The following PTCHD4 variants were observed in gnomAD, a reference collection of about 807,000 sequenced individuals.
PTCHD4 encodes patched domain-containing protein 4.
PTCHD4 carries 33 observed loss-of-function variants against 58.1 expected under a neutral mutation model. The observed-to-expected ratio is 0.57, with a 90% CI of 0.43 to 0.76. The LOEUF is 0.76. PTCHD4 is among the 30% of genes least tolerant of loss of function. PTCHD4 has a pLI of 0.00. For missense variants in PTCHD4, 1,058 were observed against 1,027.1 expected, an observed-to-expected ratio of 1.03 and a Z score of -0.41; for synonymous variants, 478 against 409.6, an observed-to-expected ratio of 1.17 and a Z score of -2.02.
rs972355091 is a variant in PTCHD4, at chr6:47,867,314, C to T, written c.*10989G>A. ...ATCAAACTCATGCTCTAAACTGGCT[C>T]TTGCAACCACTACATTTCAAAGCAA... On this transcript the variant is annotated 3_prime_UTR_variant, in exon 5 of 5. Transcript: ENST00000339488. 6.6e-6 allele frequency among the ~76,000 whole-genome samples: 1 copy of T among 151,742 alleles called. No individual in the cohort carries two copies.
intron 1 of PTCHD4, among the ~76,000 whole-genome samples, chr6:48,102,362 G>A (rs1054334507): frequency 3.9e-5 from 6 of 152,136 alleles, no homozygotes; most frequent in Admixed American, 2.0e-4. Context: ...TCTTTATAGG[G>A]TTATCTTACC....
chr6:47,903,757 A>G (rs1295345412), intron 4 of PTCHD4, among the ~76,000 whole-genome samples: 5 of 152,252 alleles, frequency 3.3e-5, no homozygotes, highest in African/African-American at 1.2e-4. Context: ...TGAAAAAGAC[A>G]AACAATAAAT....
intron 4 of PTCHD4, among the ~76,000 whole-genome samples, chr6:47,951,137 A>G (rs1766631223): frequency 6.6e-6 from 1 of 152,224 alleles, no homozygotes; most frequent in Non-Finnish European, 1.5e-5. Flanking sequence ...ATATTGTGGC[A>G]TGATCCTCTT....
chr6:48,091,102 C>A (rs1238193882), intron 1 of PTCHD4, among the ~76,000 whole-genome samples: 1 of 152,078 alleles, frequency 6.6e-6, no homozygotes, highest in Non-Finnish European at 1.5e-5. Context: ...AAATTATCAT[C>A]ATTTAGGATT....
chr6:47,885,907 C>T (rs1035541591), intron 4 of PTCHD4, among the ~76,000 whole-genome samples: 2 of 152,166 alleles, frequency 1.3e-5, no homozygotes, highest in South Asian at 4.1e-4. Context: ...CTACCTCTGC[C>T]TCCCGGGTTC....
chr6:47,881,333 A>G (rs552302302), intron 4 of PTCHD4, among the ~76,000 whole-genome samples: 8 of 152,296 alleles, frequency 5.3e-5, no homozygotes, highest in Non-Finnish European at 1.0e-4. Flanking sequence ...TGAGACTACA[A>G]TGTACATACT....
rs905929889 is a variant in PTCHD4 at position 47,901,854 on chromosome 6, A to G, written c.899-21918T>C. 1.3e-5 allele frequency: 17 copies of G among 1,300,598 alleles called. No homozygotes were observed. The African/African-American group carries it at 1.8e-4, about 14-fold the overall frequency. The allele number at this position is 1,300,598 out of a possible 1,614,324, so 80.6% of individuals were successfully genotyped here. On this transcript the variant is annotated intron_variant, in intron 4 of 4. Transcript: ENST00000339488. Reference sequence around the variant, plus strand: ...CAAATGTGATATTTTTCTCCTCTCCAGTTTTTTCTCTCCTTCCTTCTCTCC... The same window carrying G: ...CAAATGTGATATTTTTCTCCTCTCCGGTTTTTTCTCTCCTTCCTTCTCTCC...
intron 1 of PTCHD4, among the ~76,000 whole-genome samples, chr6:48,109,455 G>A (rs1765815396): frequency 6.6e-6 from 1 of 151,984 alleles, no homozygotes; most frequent in Admixed American, 6.6e-5. Flanking sequence ...AGTGAGACCT[G>A]GAACTATGAA....
chr6:48,105,251 T>C (rs1765694085), intron 1 of PTCHD4, among the ~76,000 whole-genome samples: 1 of 151,724 alleles, frequency 6.6e-6, no homozygotes, highest in Admixed American at 6.6e-5. Context: ...TGACAAACTG[T>C]CTCTCAGACC....
At chr6:48,035,745 G>T (rs1763609616) in intron 3 of PTCHD4, among the ~76,000 whole-genome samples, 1 of 152,086 alleles carries the variant, frequency 6.6e-6, no homozygotes, top group African/African-American at 2.4e-5. Flanking sequence ...TTATACCCCA[G>T]CTGATATCTA....
rs12527464 is a variant in PTCHD4 at position 48,021,683 on chromosome 6, C to T, written c.418-12569G>A. 1.6e-3 allele frequency among the ~76,000 whole-genome samples: 239 copies of T among 152,070 alleles called. 6 individuals carry two copies. The highest frequency in any genetic ancestry group is 0.01 in the Admixed American group (155 of 15,284). Reference sequence around the variant, plus strand: ...TGGAATATGAAGTTGAATACAACTTCTAGGAAATATGCCATTGATTTATGT... The same window carrying T: ...TGGAATATGAAGTTGAATACAACTTTTAGGAAATATGCCATTGATTTATGT... On this transcript the variant is annotated intron_variant, in intron 3 of 4. Transcript: ENST00000339488.
chr6:48,094,094 C>T (rs773606653), intron 1 of PTCHD4, among the ~76,000 whole-genome samples: 12 of 152,084 alleles, frequency 7.9e-5, no homozygotes, highest in Middle Eastern at 3.4e-3. Flanking sequence ...AAGATTTAGA[C>T]GAAATTCAAA....
Position 48,068,644 on chromosome 6 carries a change from T to TA in PTCHD4, c.6-4dup. Reference sequence around the variant, plus strand: ...AGCTCGCAGGCGCTCCCGGCCGTCTTAAAAAGCACATGTGACATGTGTAAG... The same window carrying TA: ...AGCTCGCAGGCGCTCCCGGCCGTCTTAAAAAAGCACATGTGACATGTGTAAG... On this transcript the variant is annotated splice_region_variant and splice_polypyrimidine_tract_variant and intron_variant, in intron 2 of 4. Transcript: ENST00000339488. This position sits in a 1 kb window ranked among gnomAD's most constrained non-coding sequence, Gnocchi z 4.2. 1 of 1,543,798 alleles carries TA rather than the reference T, an allele frequency of 6.5e-7. No individual in the cohort carries two copies. Among genetic ancestry groups the TA allele is most frequent in the Non-Finnish European group, 8.7e-7 (1 of 1,150,086 alleles).
At chr6:48,086,457 T>TA (rs1765266815) in intron 1 of PTCHD4, among the ~76,000 whole-genome samples, 2 of 145,338 alleles carry the variant, frequency 1.4e-5, no homozygotes, top group Non-Finnish European at 3.0e-5. Flanking sequence ...CTAGTATCCA[T>TA]CAAAAAAAAA....
intron 4 of PTCHD4, 71 bp downstream of exon 4, chr6:48,008,563 G>C (rs940387808): frequency 6.0e-6 from 9 of 1,491,506 alleles, no homozygotes; most frequent in Non-Finnish European, 7.2e-6. Context: ...ATTTCCACCT[G>C]AGAATTCAAG....
chr6:47,965,219 C>T (rs576462325), intron 4 of PTCHD4, among the ~76,000 whole-genome samples: 1 of 152,238 alleles, frequency 6.6e-6, no homozygotes, highest in East Asian at 1.9e-4. Context: ...TTTGAATGCC[C>T]TGAGCAGCTA....
At chr6:47,896,757 C>A (rs892678483) in intron 4 of PTCHD4, among the ~76,000 whole-genome samples, 1 of 152,130 alleles carries the variant, frequency 6.6e-6, no homozygotes, top group African/African-American at 2.4e-5. Flanking sequence ...GTATCTGAAT[C>A]CCATTAACTC....
intron 3 of PTCHD4, among the ~76,000 whole-genome samples, chr6:48,020,866 A>T (rs990609354): frequency 6.6e-6 from 1 of 152,184 alleles, no homozygotes; most frequent in Non-Finnish European, 1.5e-5. Flanking sequence ...CTGGTATAGG[A>T]TTATGGGTCA....
intron 4 of PTCHD4, among the ~76,000 whole-genome samples, chr6:47,917,975 G>A (rs1427026834): frequency 2.6e-5 from 4 of 152,134 alleles, no homozygotes; most frequent in Non-Finnish European, 5.9e-5. Flanking sequence ...GAGGTGGCGG[G>A]GGGATGGATG....
Sources: allele counts gnomAD v4.1 joint callset (sites outside exome capture counted in the v4.1 genomes callset), GRCh38; gene constraint gnomAD v4.1.1; non-coding constraint Gnocchi (gnomAD v3.1); transcripts MANE v1.5; gene names NCBI Gene and HGNC (gene_info 2026-07-23, HGNC 2026-07-21).